The following ANK3 variants were observed in gnomAD, a reference collection of about 807,000 sequenced individuals.
The protein encoded by ANK3 is ankyrin 3.
In ANK3, 57 loss-of-function variants were observed where a neutral mutation model predicts 370.9. That is an observed-to-expected ratio of 0.15 (90% CI 0.12 to 0.19). The LOEUF (loss-of-function observed/expected upper bound fraction) is 0.19. Ranked by LOEUF, ANK3 falls within the 10% of genes least tolerant of loss-of-function variation. The pLI, the probability that ANK3 is intolerant of heterozygous loss-of-function variation, is 1.00. For missense variants in ANK3, 4,439 were observed against 5,302.1 expected (o/e 0.84, Z 5.06); for synonymous variants, 1,929 against 1,946.3 (o/e 0.99, Z 0.23).
At chr10:60,052,926 T>C (rs993773418) in intron 42 of ANK3, among the ~76,000 whole-genome samples, 4 of 152,212 alleles carry the variant, frequency 2.6e-5, no homozygotes, top group African/African-American at 9.6e-5. Flanking sequence ...AACTAGGCCA[T>C]CTTTTTCATC....
chr10:60,335,712 G>A (rs896815036), intron 1 of ANK3, among the ~76,000 whole-genome samples: 7 of 152,132 alleles, frequency 4.6e-5, no homozygotes, highest in Non-Finnish European at 1.0e-4. Flanking sequence ...GGTATGGCAG[G>A]ACATCATCCA....
chr10:60,262,182 G>A (rs1433522405), intron 6 of ANK3, among the ~76,000 whole-genome samples: 2 of 152,192 alleles, frequency 1.3e-5, no homozygotes. Flanking sequence ...GGTGGAGACT[G>A]AGCAATTTTA....
chr10:60,648,970 T>C (rs2078750576), intron 1 of ANK3, among the ~76,000 whole-genome samples: 1 of 152,014 alleles, frequency 6.6e-6, no homozygotes. Flanking sequence ...TGAGTGTACC[T>C]TATGAAGGCA....
chr10:60,278,364 T>C (rs1490478860), intron 4 of ANK3, among the ~76,000 whole-genome samples: 3 of 152,160 alleles, frequency 2.0e-5, no homozygotes, highest in African/African-American at 7.2e-5. Context: ...ACATATGAAT[T>C]TAAATAATCT....
intron 4 of ANK3, among the ~76,000 whole-genome samples, chr10:60,276,504 C>G (rs549581847): frequency 6.6e-6 from 1 of 152,198 alleles, no homozygotes; most frequent in Non-Finnish European, 1.5e-5. Context: ...GGCAGGTGTT[C>G]AGATGAAGGG....
At chr10:60,578,614 GT>G (rs1406596624) in intron 2 of ANK3, among the ~76,000 whole-genome samples, 2 of 152,200 alleles carry the variant, frequency 1.3e-5, no homozygotes, top group African/African-American at 4.8e-5. Flanking sequence ...TGAGTCCACA[GT>G]GAAATGGGGT....
At chr10:60,242,805 A>G (rs925484083) in intron 7 of ANK3, among the ~76,000 whole-genome samples, 2 of 152,160 alleles carry the variant, frequency 1.3e-5, no homozygotes, top group African/African-American at 4.8e-5. Context: ...ACAACCCTAG[A>G]AAGAAGTACT....
chr10:60,598,113 C>T (rs1315516377), intron 2 of ANK3, among the ~76,000 whole-genome samples: 2 of 152,082 alleles, frequency 1.3e-5, no homozygotes, highest in Non-Finnish European at 2.9e-5. Flanking sequence ...GCATCTTATT[C>T]TTTAAAAAAG....
rs775951684 is a variant in ANK3, at chr10:60,069,130, G to T, written c.11751C>A (p.Asn3917Lys). The change falls in exon 37 of 44, where the codon AAC becomes AAA. Residue 3917 changes from asparagine to lysine, a missense_variant. By Grantham distance (94) the Asn-to-Lys change is moderately conservative. Coordinates refer to ENST00000280772, the MANE Select transcript of ANK3 (RefSeq NM_020987.5). ...CTGCAATTATGTTATCCCTGTGTGT[G>T]TTTTTCACTGGAATTCTGGACTTTA... ...VDVKSRIPVK[N>K]THRDNIIAVR... is the part of the protein sequence containing the mutation. 1.0e-4 allele frequency: 168 copies of T among 1,613,656 alleles called. No homozygotes were observed. The highest frequency in any genetic ancestry group is 1.4e-4 in the Non-Finnish European group (161 of 1,179,926).
chr10:60,261,159 G>A (rs1433297129), intron 7 of ANK3, among the ~76,000 whole-genome samples: 1 of 152,152 alleles, frequency 6.6e-6, no homozygotes, highest in Non-Finnish European at 1.5e-5. Context: ...TTGAACCTAA[G>A]GAGTCTCAGA....
rs768132581 is a variant in ANK3 at position 60,064,121 on chromosome 10, A to C, written c.12451+36T>G. 3.9e-6 allele frequency: 6 copies of C among 1,521,582 alleles called. No homozygotes were observed. In the Admixed American group the frequency reaches 9.8e-5, roughly 25 times the overall value. 94.3% of individuals were successfully genotyped at this position (1,521,582 alleles called of 1,614,324 possible). A position where few individuals can be genotyped will look rare whatever the true frequency, so the allele number is the denominator to read the frequency against. On this transcript the variant is annotated intron_variant, in intron 39 of 43. Coordinates refer to ENST00000280772, the MANE Select transcript of ANK3 (RefSeq NM_020987.5). Reference sequence around the variant, plus strand: ...CTTATCTAAAATATTACATTTATGCAGTTTTGAAAGTTAAAATAATATAAT... The same window carrying C: ...CTTATCTAAAATATTACATTTATGCCGTTTTGAAAGTTAAAATAATATAAT...
rs146945777 is a variant in ANK3, at chr10:60,373,201, A to G, written c.114+16224T>C. ...ACTAGAATTAAATTAGAAAGTAGTA[A>G]TGTTCTTTATGTCTATTTATGTCCA... On this transcript the variant is annotated intron_variant, in intron 1 of 43. Transcript: ENST00000280772. 2.5e-3 allele frequency among the ~76,000 whole-genome samples: 384 copies of G among 152,344 alleles called. 3 individuals are homozygous for G. Among genetic ancestry groups the G allele is most frequent in the Middle Eastern group, 0.02 (6 of 294 alleles).
rs533090722 is a variant in ANK3 at position 60,142,170 on chromosome 10, C to T, written c.2615-3083G>A. Among the ~76,000 whole-genome samples, 13 of 152,312 alleles carry T rather than the reference C, an allele frequency of 8.5e-5. No homozygotes were observed. The East Asian group carries it at 1.4e-3, about 16-fold the overall frequency. The stretch of plus-strand genomic sequence containing the variant: ...CTATTTTTCCTTCTTGGCTATTCTT[C>T]CACACCCACCTTCCCTCCTGTTATA... On this transcript the variant is annotated intron_variant, in intron 23 of 43. Transcript: ENST00000280772.
At chr10:60,125,961 G>A (rs55715866) in intron 25 of ANK3, among the ~76,000 whole-genome samples, 2,122 of 152,250 alleles carry the variant, frequency 0.014, 51 homozygotes, top group African/African-American at 0.048. Context: ...CAATCCAAAG[G>A]AACCAGAATC....
intron 28 of ANK3, among the ~76,000 whole-genome samples, chr10:60,099,125 A>C (rs1448996962): frequency 1.3e-5 from 2 of 152,118 alleles, no homozygotes; most frequent in African/African-American, 4.8e-5. Context: ...GAATGACCAT[A>C]ACCTGCCCCA....
intron 1 of ANK3, among the ~76,000 whole-genome samples, chr10:60,656,659 T>C (rs144072674): frequency 7.2e-4 from 110 of 152,344 alleles, no homozygotes; most frequent in Middle Eastern, 6.8e-3. Context: ...AAGCTATAAA[T>C]TTTTCTGTAA....
At chr10:60,625,858 G>A (rs1567186844) in intron 1 of ANK3, among the ~76,000 whole-genome samples, 1 of 152,150 alleles carries the variant, frequency 6.6e-6, no homozygotes, top group African/African-American at 2.4e-5. Flanking sequence ...CCTAAAAACT[G>A]AGATGAAATA....
upstream of ANK3, among the ~76,000 whole-genome samples, chr10:60,391,089 A>G (rs1055812019): frequency 1.3e-5 from 2 of 152,198 alleles, no homozygotes; most frequent in African/African-American, 4.8e-5. Flanking sequence ...CTCTTGTAGG[A>G]CGCTTTATAG....
At chr10:60,438,672 C>G (rs549930393) in intron 2 of ANK3, among the ~76,000 whole-genome samples, 6 of 152,260 alleles carry the variant, frequency 3.9e-5, no homozygotes, top group Admixed American at 3.9e-4. Context: ...GTGATCAGTA[C>G]AAAACCTCAA....
Sources: gnomAD v4.1 joint callset for allele counts (sites outside exome capture counted in the v4.1 genomes callset) on GRCh38, gnomAD v4.1.1 for gene constraint, MANE v1.5 for transcripts, NCBI Gene and HGNC (gene_info 2026-07-23, HGNC 2026-07-21) for gene names.